HLCS: variants seen among roughly 807,000 people sequenced by gnomAD.
The protein encoded by HLCS is biotin--protein ligase.
Under a neutral mutation model 75.0 loss-of-function variants are expected in HLCS, and 53 were observed. That is an observed-to-expected ratio of 0.71 (90% CI 0.57 to 0.89). HLCS has a LOEUF of 0.89. Ranked by LOEUF, HLCS falls within the 40% of genes least tolerant of loss-of-function variation. The probability of loss-of-function intolerance (pLI) is 0.00; values close to 1 mark genes in which losing one functional copy is unlikely to be tolerated. For missense variants in HLCS, 966 were observed against 1,074.0 expected (o/e 0.90, Z 1.41); for synonymous variants, 431 against 428.6 (o/e 1.01, Z -0.07).
At chr21:36,886,071 T>G (rs1015060949) in intron 6 of HLCS, among the ~76,000 whole-genome samples, 1 of 152,034 alleles carries the variant, frequency 6.6e-6, no homozygotes, top group African/African-American at 2.4e-5. Flanking sequence ...TCTACTTTTT[T>G]TTTTTTCCTA....
chr21:36,885,743 G>A (rs577405495), intron 6 of HLCS, among the ~76,000 whole-genome samples: 20 of 152,218 alleles, frequency 1.3e-4, no homozygotes, highest in African/African-American at 4.8e-4. Context: ...CTGAAGGAGG[G>A]CCCCACATCT....
intron 6 of HLCS, among the ~76,000 whole-genome samples, chr21:36,824,428 T>C (rs998541216): frequency 2.6e-5 from 4 of 151,792 alleles, no homozygotes; most frequent in Admixed American, 6.6e-5. Flanking sequence ...TAACACACAC[T>C]GGGGCCTGTC....
At chr21:36,828,979 G>A (rs1161742731) in intron 6 of HLCS, among the ~76,000 whole-genome samples, 1 of 152,222 alleles carries the variant, frequency 6.6e-6, no homozygotes, top group Non-Finnish European at 1.5e-5. Context: ...TTGGGATCTA[G>A]CCAAGTTCCT....
At chr21:36,804,301 TGGGGC>T (rs2061300577) in intron 6 of HLCS, 1 of 152,446 alleles carries the variant, frequency 6.6e-6, no homozygotes. Context: ...GACAAGGGCA[TGGGGC>T]GCTGCCTCCT....
At chr21:36,827,412 T>G (rs1412343279) in intron 6 of HLCS, among the ~76,000 whole-genome samples, 1 of 149,500 alleles carries the variant, frequency 6.7e-6, no homozygotes, top group Non-Finnish European at 1.5e-5. Flanking sequence ...CTACTAAAAA[T>G]ACAAAAAAAA....
At chr21:36,883,260 A>G (rs2064307290) in intron 6 of HLCS, among the ~76,000 whole-genome samples, 1 of 152,244 alleles carries the variant, frequency 6.6e-6, no homozygotes, top group Non-Finnish European at 1.5e-5. Context: ...TAACTGTTTT[A>G]TTTGAAAGAA....
At chr21:36,759,637 G>T in intron 9 of HLCS, 90 bp downstream of exon 9, 1 of 784,470 alleles carries the variant, frequency 1.3e-6, no homozygotes, top group Non-Finnish European at 2.3e-6. Context: ...ATGATAATCT[G>T]CTCCTGCCAA....
intron 1 of HLCS, among the ~76,000 whole-genome samples, chr21:36,981,424 G>A (rs1463656659): frequency 7.1e-5 from 9 of 126,316 alleles, no homozygotes; most frequent in African/African-American, 1.3e-4. Flanking sequence ...TTTTTGAGAC[G>A]GAGTCTCACT....
At chr21:36,779,312 C>A (rs183309654) in intron 6 of HLCS, among the ~76,000 whole-genome samples, 67 of 151,622 alleles carry the variant, frequency 4.4e-4, no homozygotes, top group Middle Eastern at 3.4e-3. Flanking sequence ...TCCTTCCTTC[C>A]CTCCTTCCTT....
chr21:36,979,712 T>TCC (rs1335420909), intron 1 of HLCS, among the ~76,000 whole-genome samples: 3 of 152,034 alleles, frequency 2.0e-5, no homozygotes, highest in Non-Finnish European at 2.9e-5. Context: ...GCCAGGAGTT[T>TCC]GAGACCGGTC....
At chr21:36,938,781 G>C (rs372185079) in intron 3 of HLCS, 51 bp downstream of exon 3, 6 of 1,585,634 alleles carry the variant, frequency 3.8e-6, no homozygotes, top group African/African-American at 1.3e-5. Context: ...TGGGATTACA[G>C]GCATGAGCCA....
chr21:36,816,963 A>C (rs566545232), intron 6 of HLCS, among the ~76,000 whole-genome samples: 59 of 152,324 alleles, frequency 3.9e-4, no homozygotes, highest in Admixed American at 7.2e-4. Context: ...CACTGCTCAG[A>C]TCCCAGTAAG....
chr21:36,939,066 T>A, intron 2 of HLCS, 72 bp from the exon 3 acceptor site: 1 of 1,394,010 alleles, frequency 7.2e-7, no homozygotes, highest in Non-Finnish European at 9.7e-7. Context: ...AATAACCACA[T>A]ACTTTATTTT....
chr21:36,938,727 T>G, intron 3 of HLCS, 105 bp downstream of exon 3: 1 of 1,176,340 alleles, frequency 8.5e-7, no homozygotes, highest in Non-Finnish European at 1.3e-6. Flanking sequence ...GGTCTCGAAC[T>G]CCTGGGCTCC....
chr21:36,987,562 G>A (rs921602630), intron 1 of HLCS, among the ~76,000 whole-genome samples: 22 of 151,756 alleles, frequency 1.4e-4, no homozygotes, highest in East Asian at 5.8e-4. Flanking sequence ...GCAGTGAGCC[G>A]AGATCACACC....
At chr21:36,984,550 C>T (rs2146746851) in intron 1 of HLCS, among the ~76,000 whole-genome samples, 1 of 152,206 alleles carries the variant, frequency 6.6e-6, no homozygotes, top group South Asian at 2.1e-4. Flanking sequence ...CTGTTCCGAA[C>T]CGCACACAAT....
chr21:36,922,804 A>T (rs965732287), intron 5 of HLCS, among the ~76,000 whole-genome samples: 3 of 152,102 alleles, frequency 2.0e-5, no homozygotes, highest in African/African-American at 4.8e-5. Flanking sequence ...CAGTTTTGAA[A>T]CCCCCGAAAC....
chr21:36,834,796 C>T (rs1396612039), intron 6 of HLCS, among the ~76,000 whole-genome samples: 1 of 152,188 alleles, frequency 6.6e-6, no homozygotes, highest in Non-Finnish European at 1.5e-5. Context: ...CCTCGTGATC[C>T]GCCTGCCTCG....
At chr21:36,958,253 A>AAG (rs1569249041) in intron 2 of HLCS, among the ~76,000 whole-genome samples, 41 of 135,922 alleles carry the variant, frequency 3.0e-4, no homozygotes, top group Admixed American at 6.1e-4. Flanking sequence ...AAAAAAAAAA[A>AAG]AAAGAAAGAA....
Sources: allele counts gnomAD v4.1 joint callset (sites outside exome capture counted in the v4.1 genomes callset), GRCh38; gene constraint gnomAD v4.1.1; transcripts MANE v1.5; gene names NCBI Gene and HGNC (gene_info 2026-07-23, HGNC 2026-07-21).